The following KRT72 variants were observed in gnomAD, a reference collection of about 807,000 sequenced individuals.
KRT72 encodes the protein keratin 72.
KRT72 carries 44 observed loss-of-function variants against 44.7 expected under a neutral mutation model. That is an observed-to-expected ratio of 0.98 (90% CI 0.77 to 1.27). KRT72 has a LOEUF of 1.27. KRT72 is among the 50% of genes most tolerant of loss of function. The pLI is 0.00. For synonymous variants in KRT72, 302 were observed against 280.4 expected (o/e 1.08, Z -0.77); for missense variants, 736 against 667.1 (o/e 1.10, Z -1.14).
intron 2 of KRT72, among the ~76,000 whole-genome samples, chr12:52,596,387 C>G (rs1940227166): frequency 6.6e-6 from 1 of 152,014 alleles, no homozygotes; most frequent in African/African-American, 2.4e-5. Flanking sequence ...AAAATCTGCC[C>G]CATTCAACTC....
At chr12:52,588,517 G>A (rs926234498) in intron 6 of KRT72, among the ~76,000 whole-genome samples, 3 of 152,092 alleles carry the variant, frequency 2.0e-5, no homozygotes, top group Non-Finnish European at 4.4e-5. Flanking sequence ...GAGGGAGATA[G>A]AACTTTAGGA....
chr12:52,594,654 G>A (rs1372657784), intron 2 of KRT72, among the ~76,000 whole-genome samples: 1 of 152,162 alleles, frequency 6.6e-6, no homozygotes. Flanking sequence ...CAGTATAAAT[G>A]ATGAGTTAAT....
Position 52,601,281 on chromosome 12 carries a change from G to C in KRT72, c.172C>G (p.Leu58Val), listed in dbSNP as rs1345284635. ...SLSCLGGSRS[L>V]ALSAAARRGG... The stretch of plus-strand genomic sequence containing the variant: ...CGCCGTGCAGCAGCGCTGAGCGCCA[G>C]GCTTCGGCTGCCCCCAAGGCAGGAG... The change falls in exon 1 of 9, where the codon CTG becomes GTG. Residue 58 changes from leucine to valine, a missense_variant. Coordinates refer to ENST00000293745, the MANE Select transcript of KRT72 (RefSeq NM_080747.3). 1 of 1,551,410 alleles carries C rather than the reference G, an allele frequency of 6.4e-7. No homozygotes were observed. Among genetic ancestry groups the C allele is most frequent in the Non-Finnish European group, 8.7e-7 (1 of 1,148,880 alleles).
At chr12:52,587,502 T>C in intron 7 of KRT72, 129 bp downstream of exon 7, 1 of 990,940 alleles carries the variant, frequency 1.0e-6, no homozygotes, top group Non-Finnish European at 1.5e-6. Flanking sequence ...TTCCTAATCA[T>C]GTGACAAGCC....
At chr12:52,602,260 A>G (rs1466631113), upstream of KRT72, among the ~76,000 whole-genome samples, 2 of 152,108 alleles carry the variant, frequency 1.3e-5, no homozygotes, top group Non-Finnish European at 2.9e-5. Flanking sequence ...GGTTGTTTTC[A>G]TTTTTGTTTT....
intron 7 of KRT72, 115 bp downstream of exon 7, chr12:52,587,516 T>C: frequency 9.0e-7 from 1 of 1,105,540 alleles, no homozygotes; most frequent in Non-Finnish European, 1.3e-6. Flanking sequence ...ACAAGCCCAT[T>C]TGCTGTATGG....
upstream of KRT72, among the ~76,000 whole-genome samples, chr12:52,601,758 C>T (rs1055680141): frequency 6.6e-6 from 1 of 152,154 alleles, no homozygotes. Context: ...TTATCTCCAC[C>T]TGCTGGCCTC....
At chr12:52,594,264 T>C (rs545308712) in intron 2 of KRT72, among the ~76,000 whole-genome samples, 17 of 152,320 alleles carry the variant, frequency 1.1e-4, no homozygotes, top group African/African-American at 3.6e-4. Flanking sequence ...ACCGGGTATA[T>C]ACTCAAAGGA....
intron 4 of KRT72, among the ~76,000 whole-genome samples, chr12:52,591,852 C>G (rs1350825263): frequency 6.6e-6 from 1 of 152,136 alleles, no homozygotes; most frequent in African/African-American, 2.4e-5. Flanking sequence ...ACTCCTGCAC[C>G]CTTCTACATT....
intron 1 of KRT72, chr12:52,599,550 A>T: frequency 2.3e-6 from 1 of 438,330 alleles, no homozygotes; most frequent in Admixed American, 2.4e-5. Context: ...GTTCACAGCA[A>T]GTTACCACAT....
At chr12:52,599,164 A>G (rs1263179182) in intron 1 of KRT72, 52 bp from the exon 2 acceptor site, 3 of 1,584,462 alleles carry the variant, frequency 1.9e-6, no homozygotes, top group Non-Finnish European at 2.6e-6. Flanking sequence ...TTGCCTCTCA[A>G]GAGTGGGGAA....
At position 52,601,186 on chromosome 12, in the gene KRT72, G is replaced by A; in HGVS notation, c.267C>T (p.Pro89=). 2 of 1,612,982 alleles carry A rather than the reference G, an allele frequency of 1.2e-6. No individual in the cohort carries two copies. The highest frequency in any genetic ancestry group is 1.7e-6 in the Non-Finnish European group (2 of 1,179,432). Residue 89 remains proline, a synonymous_variant, in exon 1 of 9, where the codon CCC becomes CCT. Transcript: ENST00000293745. ...GGATGCCCCCGGGTGGGCACACGGAGGGACACTTGGGCCCCAGCCCGGCGC... is the reference window on the plus strand; with the variant it reads ...GGATGCCCCCGGGTGGGCACACGGAAGGACACTTGGGCCCCAGCCCGGCGC... ...FGSAGLGPKC[P]SVCPPGGIPQ...
Position 52,586,156 on chromosome 12 carries a change from G to A in KRT72, c.1362C>T (p.Thr454=). ...AGCCAGCCCCTCCTGCCCCAGCATT[G>A]GTGCTGCTGATGACGGCTGGAATGG... ...NSVSISVISS[T]NAGAGGAGFS... The change falls in exon 9 of 9, where the codon ACC becomes ACT. Residue 454 remains threonine (T), a synonymous_variant. Transcript: ENST00000293745. 6 of 1,613,862 alleles carry A rather than the reference G, an allele frequency of 3.7e-6. No homozygotes were observed. The highest frequency in any genetic ancestry group is 1.1e-5 in the South Asian group (1 of 91,054).
intron 2 of KRT72, among the ~76,000 whole-genome samples, chr12:52,595,847 T>A (rs1186418449): frequency 6.6e-6 from 1 of 152,182 alleles, no homozygotes; most frequent in Non-Finnish European, 1.5e-5. Flanking sequence ...ATTGAAAAAT[T>A]TTCCAGAAAT....
rs771239352 is a variant in KRT72, at chr12:52,586,227, G to C, written c.1346-55C>G. ...CCGTCAGCTCTAGCCCCACGTCAGA[G>C]CCCCTTCTTGGGCATCTCGGGCCAC... On this transcript the variant is annotated intron_variant, in intron 8 of 8. Transcript: ENST00000293745. The C allele has an allele frequency of 2.0e-6, 3 of 1,508,496 alleles. No homozygotes were observed. In the African/African-American group the frequency reaches 4.2e-5, roughly 21 times the overall value. The allele number at this position is 1,508,496 out of a possible 1,614,324, so 93.4% of individuals were successfully genotyped here.
Position 52,587,743 on chromosome 12 carries a change from T to C in KRT72, c.1198A>G (p.Lys400Glu), listed in dbSNP as rs1204002408. ...DELEGALHQAKEELARMLREY... is the reference protein window; with the variant it reads ...DELEGALHQAEEELARMLREY... ...CGCAGCATCCGTGCCAGCTCCTCCT[T>C]GGCCTGGTGCAGGGCGCCCTCCAGC... The change falls in exon 7 of 9, where the codon AAG becomes GAG. Residue 400 changes from lysine (K) to glutamate (E), a missense_variant. Transcript: ENST00000293745. 6.2e-7 allele frequency: 1 copy of C among 1,614,196 alleles called. No homozygotes were observed. Among genetic ancestry groups the C allele is most frequent in the East Asian group, 2.2e-5 (1 of 44,872 alleles).
chr12:52,601,431 A>G lies in KRT72; in HGVS notation c.22T>C (p.Phe8Leu), dbSNP rs1032456824. MSRQLTH[F>L]PRGERLGFSG... Reference sequence around the variant, plus strand: ...AAGCCCAGGCGCTCCCCGCGGGGGAAATGGGTCAGTTGGCGGCTCATGGCT... The same window carrying G: ...AAGCCCAGGCGCTCCCCGCGGGGGAGATGGGTCAGTTGGCGGCTCATGGCT... The change falls in exon 1 of 9, where the codon TTC (phenylalanine) becomes CTC (leucine). Residue 8 changes from phenylalanine (F) to leucine (L), a missense_variant. Physicochemically the swap from Phe to Leu is conservative, Grantham distance 22. Coordinates refer to ENST00000293745, the MANE Select transcript of KRT72 (RefSeq NM_080747.3). 2.6e-6 allele frequency: 4 copies of G among 1,538,512 alleles called. No homozygotes were observed. Among genetic ancestry groups the G allele is most frequent in the Non-Finnish European group, 3.5e-6 (4 of 1,147,220 alleles).
intron 2 of KRT72, among the ~76,000 whole-genome samples, chr12:52,596,666 C>T (rs569223364): frequency 2.6e-4 from 40 of 152,026 alleles, no homozygotes; most frequent in African/African-American, 9.6e-4. Context: ...ATTCTAATGC[C>T]TCAGCCTCTG....
chr12:52,597,423 T>G (rs1278104479), intron 2 of KRT72, among the ~76,000 whole-genome samples: 1 of 152,192 alleles, frequency 6.6e-6, no homozygotes, highest in Non-Finnish European at 1.5e-5. Flanking sequence ...AAACCTGGCA[T>G]GAGGACCCAC....
Sources: allele counts gnomAD v4.1 joint callset (sites outside exome capture counted in the v4.1 genomes callset), GRCh38; gene constraint gnomAD v4.1.1; transcripts MANE v1.5; gene names NCBI Gene and HGNC (gene_info 2026-07-23, HGNC 2026-07-21).